Variants in GRM5 observed in about 807,000 individuals in gnomAD.
The protein encoded by GRM5 is metabotropic glutamate receptor 5.
A neutral mutation model predicts 83.1 loss-of-function variants in GRM5; 19 were observed. The observed-to-expected ratio is 0.23, with a 90% CI of 0.16 to 0.34. GRM5 has a LOEUF of 0.34. GRM5 is among the 10% of genes least tolerant of loss of function. The pLI is 1.00. For synonymous variants in GRM5, 675 were observed against 633.6 expected (o/e 1.07, Z -0.98); for missense variants, 1,160 against 1,588.3 (o/e 0.73, Z 4.58).
chr11:88,794,304 G>A (rs1240252225), intron 3 of GRM5, among the ~76,000 whole-genome samples: 3 of 152,004 alleles, frequency 2.0e-5, no homozygotes, highest in African/African-American at 4.8e-5. Context: ...AAATTAAAAT[G>A]TTTCTAGTAA....
intron 4 of GRM5, among the ~76,000 whole-genome samples, chr11:88,650,491 A>G (rs1271663803): frequency 6.6e-6 from 1 of 152,028 alleles, no homozygotes; most frequent in Non-Finnish European, 1.5e-5. Flanking sequence ...AAATCACCGT[A>G]TGATAGAACT....
rs147172150 is a variant in GRM5, at chr11:88,798,828, C to T, written c.911+51078G>A. Among the ~76,000 whole-genome samples the T allele has an allele frequency of 1.9e-4, 9 of 48,192 alleles. No individual in the cohort carries two copies. The East Asian group carries it at 5.7e-3, about 31-fold the overall frequency. 31.6% of individuals were successfully genotyped at this position (48,192 alleles called of 152,430 possible). A position where few individuals can be genotyped will look rare whatever the true frequency, so the allele number is the denominator to read the frequency against. ...ACCAAAAAAAAAAAAAAAAAAAAAA[C>T]AACAACAACAACAAAAAAAAACTGC... On this transcript the variant is annotated intron_variant, in intron 3 of 9. Transcript: ENST00000305447.
chr11:89,041,124 A>G (rs1396507225), intron 2 of GRM5, among the ~76,000 whole-genome samples: 2 of 152,330 alleles, frequency 1.3e-5, no homozygotes, highest in East Asian at 3.9e-4. Context: ...AAGGGAAAAC[A>G]TGCATGTGTG....
chr11:88,798,038 C>T (rs1283511970), intron 3 of GRM5, among the ~76,000 whole-genome samples: 3 of 152,154 alleles, frequency 2.0e-5, no homozygotes, highest in African/African-American at 7.2e-5. Context: ...CTCTCACTGA[C>T]TGGAATCTCA....
chr11:89,048,166 G>A (rs1355955251), intron 1 of GRM5, 94 bp from the exon 2 acceptor site: 1 of 295,768 alleles, frequency 3.4e-6, no homozygotes, highest in Non-Finnish European at 6.3e-6. Context: ...AAAATATTTT[G>A]ATGATGCAGA....
intron 9 of GRM5, among the ~76,000 whole-genome samples, chr11:88,519,643 G>A (rs142552264): frequency 6.6e-6 from 1 of 152,120 alleles, no homozygotes; most frequent in African/African-American, 2.4e-5. Context: ...TTTAAAACAG[G>A]GAAATTATAT....
intron 3 of GRM5, among the ~76,000 whole-genome samples, chr11:88,722,588 C>CAAGGGAGATACCTGGACAAA (rs1277125440): frequency 2.0e-5 from 3 of 152,110 alleles, no homozygotes; most frequent in Non-Finnish European, 2.9e-5. Flanking sequence ...TATACTAAGA[C>CAAGGGAGATACCTGGACAAA]AAGGGAGATA....
chr11:89,024,569 G>A (rs1941082274), intron 2 of GRM5, among the ~76,000 whole-genome samples: 3 of 152,158 alleles, frequency 2.0e-5, no homozygotes, highest in African/African-American at 4.8e-5. Context: ...GGATGTTTAT[G>A]TATATCTTAT....
chr11:89,022,474 C>T (rs1941009002), intron 2 of GRM5, among the ~76,000 whole-genome samples: 1 of 133,048 alleles, frequency 7.5e-6, no homozygotes, highest in South Asian at 2.8e-4. Flanking sequence ...AACTCCGTCC[C>T]TACTAAAAAT....
intron 2 of GRM5, among the ~76,000 whole-genome samples, chr11:88,987,996 C>G (rs1299798692): frequency 2.0e-5 from 3 of 151,494 alleles, no homozygotes; most frequent in Non-Finnish European, 2.9e-5. Flanking sequence ...AGCAACGGAA[C>G]AAAGCTGGAC....
intron 3 of GRM5, among the ~76,000 whole-genome samples, chr11:88,780,278 G>A (rs928571745): frequency 6.6e-6 from 1 of 152,060 alleles, no homozygotes; most frequent in Non-Finnish European, 1.5e-5. Flanking sequence ...ACAATTTCCT[G>A]TATTACTTCC....
chr11:89,004,111 A>C (rs1260225166), intron 2 of GRM5, among the ~76,000 whole-genome samples: 1 of 152,200 alleles, frequency 6.6e-6, no homozygotes. Context: ...GGTATAATTC[A>C]AAATAAATCA....
intron 3 of GRM5, among the ~76,000 whole-genome samples, chr11:88,815,778 A>C (rs530082025): frequency 6.6e-6 from 1 of 152,290 alleles, no homozygotes; most frequent in East Asian, 1.9e-4. Flanking sequence ...TTCATGAGGA[A>C]TCGGTTCCCA....
intron 3 of GRM5, among the ~76,000 whole-genome samples, chr11:88,800,997 G>A (rs928213386): frequency 6.6e-6 from 1 of 152,088 alleles, no homozygotes; most frequent in Non-Finnish European, 1.5e-5. Context: ...ATATAGGATT[G>A]TTTCTACTGA....
chr11:88,835,208 T>A (rs1944071840), intron 3 of GRM5, among the ~76,000 whole-genome samples: 1 of 152,304 alleles, frequency 6.6e-6, no homozygotes, highest in Middle Eastern at 3.4e-3. Context: ...GGAAATGTCT[T>A]ACGTGATAAA....
intron 7 of GRM5, among the ~76,000 whole-genome samples, chr11:88,571,048 A>T (rs1378139252): frequency 2.6e-5 from 4 of 152,194 alleles, no homozygotes; most frequent in African/African-American, 9.7e-5. Flanking sequence ...ATTACCTAAA[A>T]GAATGAGCTG....
chr11:88,779,885 T>C (rs1942938969), intron 3 of GRM5, among the ~76,000 whole-genome samples: 2 of 152,206 alleles, frequency 1.3e-5, no homozygotes, highest in Admixed American at 1.3e-4. Flanking sequence ...GCAACTGCCC[T>C]AGTCACTGGT....
intron 3 of GRM5, among the ~76,000 whole-genome samples, chr11:88,674,211 A>G (rs1940266067): frequency 6.6e-6 from 1 of 151,878 alleles, no homozygotes; most frequent in Non-Finnish European, 1.5e-5. Flanking sequence ...TGGCTTCTAT[A>G]GTAACAAATT....
chr11:88,909,073 C>T (rs1311285803), intron 2 of GRM5, among the ~76,000 whole-genome samples: 1 of 152,074 alleles, frequency 6.6e-6, no homozygotes, highest in African/African-American at 2.4e-5. Flanking sequence ...TACTTGAATC[C>T]AGATTTTTCA....
Sources: allele counts gnomAD v4.1 joint callset (sites outside exome capture counted in the v4.1 genomes callset), GRCh38; gene constraint gnomAD v4.1.1; transcripts MANE v1.5; gene names NCBI Gene and HGNC (gene_info 2026-07-23, HGNC 2026-07-21).